KIF9: variants seen among roughly 807,000 people sequenced by gnomAD.
The protein encoded by KIF9 is kinesin-like protein KIF9.
Under a neutral mutation model 94.8 loss-of-function variants are expected in KIF9, and 68 were observed. The observed-to-expected ratio is 0.72, with a 90% CI of 0.59 to 0.88. The LOEUF (loss-of-function observed/expected upper bound fraction) is 0.88, where lower values mean the gene tolerates loss of function less well. Ranked by LOEUF, KIF9 falls within the 40% of genes least tolerant of loss-of-function variation. The pLI, the probability that KIF9 is intolerant of heterozygous loss-of-function variation, is 0.00. For synonymous variants in KIF9, 343 were observed against 362.1 expected (o/e 0.95, Z 0.60); for missense variants, 882 against 982.5 (o/e 0.90, Z 1.37).
intron 1 of KIF9, among the ~76,000 whole-genome samples, chr3:47,278,238 GT>G (rs1248550125): frequency 6.6e-6 from 1 of 151,716 alleles, no homozygotes; most frequent in Admixed American, 6.6e-5. Context: ...TGCCCGGCTA[GT>G]TTTCTTACAT....
In KIF9 at chr3:47,240,839, T is replaced by A; in HGVS notation, c.1886A>T (p.Glu629Val). ...TAGTGACTTCTGGAAATTCAGGGCC[T>A]CCTTGGTCACATCAATCTCCCGCTT... ...AIKREIDVTK[E>V]ALNFQKSLRE... Residue 629 changes from glutamate (E) to valine (V), a missense_variant, in exon 17 of 21, where the codon GAG becomes GTG. By Grantham distance (121) the Glu-to-Val change is moderately radical. Transcript: ENST00000684063. 1 of 1,614,146 alleles carries A rather than the reference T, an allele frequency of 6.2e-7. No individual in the cohort carries two copies. Among genetic ancestry groups the A allele is most frequent in the Admixed American group, 1.7e-5 (1 of 60,016 alleles).
intron 10 of KIF9, among the ~76,000 whole-genome samples, chr3:47,249,335 G>A (rs1700127546): frequency 6.6e-6 from 1 of 151,148 alleles, no homozygotes; most frequent in Admixed American, 6.6e-5. Flanking sequence ...TAGTAGAGAT[G>A]GGGTTTTACC....
At chr3:47,244,980 T>C in intron 14 of KIF9, 56 bp from the exon 15 acceptor site, 2 of 1,602,770 alleles carry the variant, frequency 1.2e-6, no homozygotes, top group Non-Finnish European at 1.7e-6. Context: ...TTGGACCCCT[T>C]GGGGACCCAC....
rs576384655 is a variant in KIF9, at chr3:47,275,099, G to A, written c.259+226C>T. The A allele has an allele frequency of 2.4e-5, 12 of 494,614 alleles. No homozygotes were observed. The East Asian group carries it at 3.8e-4, about 16-fold the overall frequency. 30.6% of individuals were successfully genotyped at this position (494,614 alleles called of 1,614,324 possible). A position where few individuals can be genotyped will look rare whatever the true frequency, so the allele number is the denominator to read the frequency against. ...TAATTGAACCCCTGTGACCTATAGA[G>A]AGCCATAGTCTTTTAATTTTCCTAT... On this transcript the variant is annotated intron_variant, in intron 3 of 20. Transcript: ENST00000684063.
intron 9 of KIF9, among the ~76,000 whole-genome samples, chr3:47,262,688 G>T (rs1245286519): frequency 6.6e-6 from 1 of 152,130 alleles, no homozygotes; most frequent in African/African-American, 2.4e-5. Flanking sequence ...CAGGGTGCTG[G>T]ATGTACGACA....
At chr3:47,273,462 A>C (rs1407267543) in intron 4 of KIF9, 90 bp downstream of exon 4, 1 of 971,046 alleles carries the variant, frequency 1.0e-6, no homozygotes, top group Non-Finnish European at 1.6e-6. Context: ...CCTGGTCCCC[A>C]CTGTCTCTAG....
intron 5 of KIF9, among the ~76,000 whole-genome samples, chr3:47,270,777 CT>C (rs1344087372): frequency 1.2e-4 from 18 of 145,968 alleles, no homozygotes; most frequent in East Asian, 2.0e-4. Context: ...TTTTTTGTTC[CT>C]TTTTTTTTTC....
At chr3:47,273,472 G>C (rs1701770477) in intron 4 of KIF9, 80 bp downstream of exon 4, 2 of 1,092,714 alleles carry the variant, frequency 1.8e-6, no homozygotes, top group South Asian at 3.0e-5. Context: ...ACTGTCTCTA[G>C]TAGCTGGCCC....
chr3:47,271,992 C>A (rs1202554213), intron 4 of KIF9, among the ~76,000 whole-genome samples: 1 of 152,034 alleles, frequency 6.6e-6, no homozygotes, highest in African/African-American at 2.4e-5. Context: ...TGGTGGCGTG[C>A]GCCTGTAGTC....
chr3:47,270,698 A>G (rs1022240803), intron 5 of KIF9, among the ~76,000 whole-genome samples: 5 of 152,218 alleles, frequency 3.3e-5, no homozygotes, highest in African/African-American at 1.2e-4. Flanking sequence ...CTTATGTAAA[A>G]AACAGATTAT....
intron 4 of KIF9, among the ~76,000 whole-genome samples, chr3:47,273,147 G>GA (rs1269426097): frequency 6.6e-6 from 1 of 152,132 alleles, no homozygotes; most frequent in African/African-American, 2.4e-5. Flanking sequence ...CTGTGGTGGT[G>GA]AAAAAAGCCA....
chr3:47,247,115 G>A (rs926519228), intron 12 of KIF9, among the ~76,000 whole-genome samples: 3 of 152,170 alleles, frequency 2.0e-5, no homozygotes, highest in African/African-American at 7.2e-5. Context: ...AAGTACACGA[G>A]GTTGAGTATT....
intron 1 of KIF9, among the ~76,000 whole-genome samples, chr3:47,280,244 G>A (rs1218871834): frequency 2.0e-5 from 3 of 152,144 alleles, no homozygotes; most frequent in South Asian, 2.1e-4. Flanking sequence ...TTGGGGAACC[G>A]GGGAACCACT....
chr3:47,267,120 T>A, intron 6 of KIF9, 52 bp from the exon 7 acceptor site: 1 of 1,602,790 alleles, frequency 6.2e-7, no homozygotes, highest in South Asian at 1.1e-5. Flanking sequence ...AGTTTCTGAC[T>A]GAGCAGGCCC....
At position 47,282,712 on chromosome 3, in the gene KIF9, G is replaced by A. The variant is rs1424867341; in HGVS notation, c.-223C>T. On this transcript the variant is annotated 5_prime_UTR_variant, in exon 1 of 21. Coordinates refer to ENST00000684063, the MANE Select transcript of KIF9 (RefSeq NM_182902.4). ...AATCGGGAAGACGAGAGATGGGGCC[G>A]ATTGATCTAGAAAGACTTCGGCGGA... 8 of 1,384,074 alleles carry A rather than the reference G, an allele frequency of 5.8e-6. No individual in the cohort carries two copies. In the South Asian group the frequency reaches 9.4e-5, roughly 16 times the overall value. 85.7% of individuals were successfully genotyped at this position (1,384,074 alleles called of 1,614,324 possible). A position where few individuals can be genotyped will look rare whatever the true frequency, so the allele number is the denominator to read the frequency against.
At chr3:47,228,850 C>T in intron 20 of KIF9, 148 bp from the exon 21 acceptor site, 2 of 688,984 alleles carry the variant, frequency 2.9e-6, no homozygotes, top group Non-Finnish European at 2.6e-6. Context: ...AGCCCCAATT[C>T]TCTGAGAAAT....
chr3:47,281,845 G>GA (rs1702384279), intron 1 of KIF9, among the ~76,000 whole-genome samples: 1 of 152,254 alleles, frequency 6.6e-6, no homozygotes, highest in Non-Finnish European at 1.5e-5. Context: ...TAGACAAGAG[G>GA]AAAGGGAGCG....
Position 47,273,894 on chromosome 3 carries a change from G to C in KIF9, c.260-236C>G, listed in dbSNP as rs921714458. 5.3e-5 allele frequency among the ~76,000 whole-genome samples: 8 copies of C among 152,340 alleles called. 1 individual carries two copies. The highest frequency in any genetic ancestry group is 3.3e-4 in the Admixed American group (5 of 15,306). ...TCTGTGGTCCCCACAATGCTCTGCT[G>C]TTCCCTCCACCAAGAGATGATCCGG... On this transcript the variant is annotated intron_variant, in intron 3 of 20. Coordinates refer to ENST00000684063, the MANE Select transcript of KIF9 (RefSeq NM_182902.4).
At chr3:47,259,174 C>T (rs1250615270) in intron 9 of KIF9, among the ~76,000 whole-genome samples, 3 of 152,194 alleles carry the variant, frequency 2.0e-5, no homozygotes, top group Non-Finnish European at 4.4e-5. Flanking sequence ...TGCTCTGGGG[C>T]GTGACCGATC....
Sources: gnomAD v4.1 joint callset for allele counts (sites outside exome capture counted in the v4.1 genomes callset) on GRCh38, gnomAD v4.1.1 for gene constraint, MANE v1.5 for transcripts, NCBI Gene and HGNC (gene_info 2026-07-23, HGNC 2026-07-21) for gene names.